The following TMEM178B variants were observed in gnomAD, a reference collection of about 807,000 sequenced individuals.
TMEM178B encodes transmembrane protein 178B.
In TMEM178B, 5 loss-of-function variants were observed where a neutral mutation model predicts 31.0. That is an observed-to-expected ratio of 0.16 (90% CI 0.08 to 0.34). The LOEUF is 0.34. Ranked by LOEUF, TMEM178B falls within the 10% of genes least tolerant of loss-of-function variation. The probability of loss-of-function intolerance (pLI) is 1.00; values close to 1 mark genes in which losing one functional copy is unlikely to be tolerated. For missense variants in TMEM178B, 275 were observed against 400.3 expected (o/e 0.69, Z 2.67); for synonymous variants, 164 against 164.0 (o/e 1.00, Z 0.00).
the TMEM178B span, among the ~76,000 whole-genome samples, chr7:141,490,594 G>T: frequency 6.6e-6 from 1 of 152,220 alleles, no homozygotes; most frequent in South Asian, 2.1e-4. Context: ...TAAGCCAACT[G>T]CTTTGTGGTA....
chr7:141,109,129 G>A (rs1795194327), intron 1 of TMEM178B, among the ~76,000 whole-genome samples: 1 of 152,112 alleles, frequency 6.6e-6, no homozygotes, highest in Admixed American at 6.6e-5. Context: ...GGGAATTATG[G>A]GAGTACAACT....
intron 2 of TMEM178B, among the ~76,000 whole-genome samples, chr7:141,410,035 C>T (rs1800953712): frequency 1.3e-5 from 2 of 152,218 alleles, no homozygotes; most frequent in Non-Finnish European, 2.9e-5. Context: ...GGCCGCCTGT[C>T]TCCTCCACCT....
intron 3 of TMEM178B, among the ~76,000 whole-genome samples, chr7:141,459,068 T>TC (rs1802015610): frequency 6.6e-6 from 1 of 152,092 alleles, no homozygotes; most frequent in Admixed American, 6.5e-5. Context: ...TCACTCTTAT[T>TC]GCCCAGGCTC....
chr7:141,410,681 C>T (rs574539706), intron 2 of TMEM178B, among the ~76,000 whole-genome samples: 31 of 152,126 alleles, frequency 2.0e-4, no homozygotes, highest in African/African-American at 7.2e-4. Context: ...AAGTCCTCAG[C>T]GGAGCCAGGT....
chr7:141,312,409 G>C (rs1322285342), intron 2 of TMEM178B, among the ~76,000 whole-genome samples: 1 of 152,228 alleles, frequency 6.6e-6, no homozygotes, highest in Non-Finnish European at 1.5e-5. Flanking sequence ...AGAAACTTGA[G>C]TAATCATGAA....
At chr7:141,180,155 T>C (rs1486291091) in intron 1 of TMEM178B, among the ~76,000 whole-genome samples, 1 of 152,094 alleles carries the variant, frequency 6.6e-6, no homozygotes, top group Admixed American at 6.6e-5. Context: ...AGGGGGAGAA[T>C]TGATGGCCGT....
chr7:141,117,871 G>C (rs372099005), intron 1 of TMEM178B, among the ~76,000 whole-genome samples: 4 of 152,078 alleles, frequency 2.6e-5, no homozygotes, highest in African/African-American at 7.2e-5. Flanking sequence ...GGGTCTGTAT[G>C]TCTGTTTTGG....
chr7:141,286,686 A>G (rs750122723), intron 2 of TMEM178B, among the ~76,000 whole-genome samples: 2 of 152,216 alleles, frequency 1.3e-5, no homozygotes, highest in Non-Finnish European at 2.9e-5. Flanking sequence ...AGTGCCCTGG[A>G]CAGACTGCAT....
chr7:141,255,026 G>C (rs183948593), intron 2 of TMEM178B, among the ~76,000 whole-genome samples: 1 of 152,218 alleles, frequency 6.6e-6, no homozygotes, highest in African/African-American at 2.4e-5. Context: ...ACTGTGCTAG[G>C]GTGCATTGTC....
intron 1 of TMEM178B, among the ~76,000 whole-genome samples, chr7:141,211,929 C>T (rs1797058469): frequency 6.6e-6 from 1 of 152,164 alleles, no homozygotes; most frequent in Non-Finnish European, 1.5e-5. Context: ...GCCCTGGGAC[C>T]ACACTTTGAG....
chr7:141,391,535 T>C (rs184087085), intron 2 of TMEM178B, among the ~76,000 whole-genome samples: 18 of 152,324 alleles, frequency 1.2e-4, no homozygotes, highest in African/African-American at 4.3e-4. Flanking sequence ...TGGTTAAATA[T>C]ACATAAGATT....
chr7:141,280,517 C>A (rs145794136), intron 2 of TMEM178B, among the ~76,000 whole-genome samples: 2 of 152,138 alleles, frequency 1.3e-5, no homozygotes, highest in South Asian at 2.1e-4. Context: ...CTGTGTGAGA[C>A]GTGCCTTTCA....
intron 2 of TMEM178B, among the ~76,000 whole-genome samples, chr7:141,427,780 G>T (rs1801347567): frequency 6.6e-6 from 1 of 152,038 alleles, no homozygotes; most frequent in African/African-American, 2.4e-5. Flanking sequence ...CAGAATAGGA[G>T]AAAATAGCTA....
chr7:141,500,176 C>T, the TMEM178B span, among the ~76,000 whole-genome samples: 1 of 152,122 alleles, frequency 6.6e-6, no homozygotes, highest in East Asian at 1.9e-4. Context: ...TATTGACCAT[C>T]AATTATGTGG....
chr7:141,448,511 G>T (rs1181767101), intron 3 of TMEM178B, among the ~76,000 whole-genome samples: 1 of 152,164 alleles, frequency 6.6e-6, no homozygotes, highest in Non-Finnish European at 1.5e-5. Context: ...CTTTTGGAAA[G>T]TTCCTGTAAT....
chr7:141,103,109 A>G (rs1002687181), intron 1 of TMEM178B, among the ~76,000 whole-genome samples: 4 of 152,188 alleles, frequency 2.6e-5, no homozygotes, highest in Non-Finnish European at 5.9e-5. Context: ...CCCTACTGCT[A>G]TATCTGTCAT....
At chr7:141,158,491 A>T (rs938053604) in intron 1 of TMEM178B, among the ~76,000 whole-genome samples, 14 of 152,228 alleles carry the variant, frequency 9.2e-5, no homozygotes, top group African/African-American at 3.4e-4. Flanking sequence ...GATGTTGCTA[A>T]GAACACAATA....
At chr7:141,322,262 C>T (rs1044988903) in intron 2 of TMEM178B, among the ~76,000 whole-genome samples, 7 of 151,866 alleles carry the variant, frequency 4.6e-5, no homozygotes, top group Admixed American at 3.3e-4. Flanking sequence ...CCTGGTGGCT[C>T]ATGCCTATAA....
intron 2 of TMEM178B, among the ~76,000 whole-genome samples, chr7:141,349,247 T>C (rs1176211891): frequency 6.6e-6 from 1 of 152,222 alleles, no homozygotes; most frequent in East Asian, 1.9e-4. Flanking sequence ...ATTTCCTTTC[T>C]GTATTGAGCT....
Sources: allele counts gnomAD v4.1 joint callset (sites outside exome capture counted in the v4.1 genomes callset), GRCh38; gene constraint gnomAD v4.1.1; transcripts MANE v1.5; gene names NCBI Gene and HGNC (gene_info 2026-07-23, HGNC 2026-07-21).